SERBP1: variants seen among roughly 807,000 people sequenced by gnomAD.
SERBP1 encodes the protein SERPINE1 mRNA binding protein 1, also known as SERPINE1 mRNA-binding protein 1.
In SERBP1, 6 loss-of-function variants were observed where a neutral mutation model predicts 50.2. That is an observed-to-expected ratio of 0.12 (90% CI 0.07 to 0.24). The LOEUF is 0.24. Among genes scored for constraint, SERBP1 ranks in the 10% least tolerant of loss-of-function variants. The pLI, the probability that SERBP1 is intolerant of heterozygous loss-of-function variation, is 1.00. For synonymous variants in SERBP1, 168 were observed against 182.8 expected (o/e 0.92, Z 0.65); for missense variants, 346 against 524.9 (o/e 0.66, Z 3.33).
Position 67,420,197 on chromosome 1 carries a change from G to A in SERBP1, c.774-11C>T. ...TCAACTTCATTCTCCCTGTGAAAAG[G>A]TTTTCAAGTTTTATACCTGGTAGAG... is the stretch of plus-strand genomic sequence containing the variant. On this transcript the variant is annotated splice_polypyrimidine_tract_variant and intron_variant, in intron 5 of 7. Coordinates refer to ENST00000361219, the MANE Select transcript of SERBP1 (RefSeq NM_001018069.2). 6.3e-7 allele frequency: 1 copy of A among 1,596,766 alleles called. No individual in the cohort carries two copies. The highest frequency in any genetic ancestry group is 2.3e-5 in the East Asian group (1 of 44,414).
intron 1 of SERBP1, 99 bp downstream of exon 1, chr1:67,429,889 T>C: frequency 7.6e-7 from 1 of 1,317,090 alleles, no homozygotes; most frequent in South Asian, 1.4e-5. Flanking sequence ...CGGCAAAGTC[T>C]CCCGCGGACC....
intron 6 of SERBP1, among the ~76,000 whole-genome samples, chr1:67,416,990 G>A (rs928394973): frequency 4.6e-5 from 7 of 152,282 alleles, no homozygotes; most frequent in Admixed American, 3.3e-4. Flanking sequence ...GGCCAGGTGT[G>A]GTGGCTGACA....
chr1:67,418,587 C>T lies in SERBP1; in HGVS notation c.951+1422G>A, dbSNP rs370306619. On this transcript the variant is annotated intron_variant, in intron 6 of 7. Transcript: ENST00000361219. ...CAGCCTGGCCAACATGATGAAACCT[C>T]ATCTCTACTAAAAACACAAACATTA... is the stretch of plus-strand genomic sequence containing the variant. 3.3e-5 allele frequency among the ~76,000 whole-genome samples: 5 copies of T among 152,022 alleles called. No individual in the cohort carries two copies. The East Asian group carries it at 9.8e-4, about 30-fold the overall frequency.
At chr1:67,426,411 G>T in intron 1 of SERBP1, 126 bp from the exon 2 acceptor site, 1 of 880,568 alleles carries the variant, frequency 1.1e-6, no homozygotes, top group Non-Finnish European at 1.6e-6. Context: ...AGCAAACACT[G>T]GGCAACTCTA....
At chr1:67,424,311 T>A (rs753122155) in intron 4 of SERBP1, 34 bp from the exon 5 acceptor site, 2 of 1,607,688 alleles carry the variant, frequency 1.2e-6, no homozygotes, top group Admixed American at 3.4e-5. Flanking sequence ...CTGAATGTAT[T>A]TGGGGGACTC....
chr1:67,420,724 G>T (rs768282374), intron 5 of SERBP1, among the ~76,000 whole-genome samples: 1 of 152,088 alleles, frequency 6.6e-6, no homozygotes. Flanking sequence ...AACAATAGCC[G>T]TGTTTCTACA....
intron 6 of SERBP1, among the ~76,000 whole-genome samples, chr1:67,416,426 T>C (rs1347103060): frequency 1.3e-5 from 2 of 152,354 alleles, no homozygotes; most frequent in Admixed American, 6.5e-5. Flanking sequence ...GACAATTCTA[T>C]ACTGCTTCAT....
At chr1:67,422,315 T>C (rs768093016) in intron 5 of SERBP1, among the ~76,000 whole-genome samples, 3 of 150,980 alleles carry the variant, frequency 2.0e-5, no homozygotes, top group Admixed American at 6.6e-5. Flanking sequence ...GAGTTCGAGA[T>C]CAGCCTGACC....
At chr1:67,429,078 AG>A (rs1667480386) in intron 1 of SERBP1, among the ~76,000 whole-genome samples, 1 of 152,124 alleles carries the variant, frequency 6.6e-6, no homozygotes, top group African/African-American at 2.4e-5. Flanking sequence ...ATTAACCGCC[AG>A]TGAAACTCTG....
intron 1 of SERBP1, chr1:67,429,288 CTTCA>C (rs1288282437): frequency 6.6e-6 from 1 of 152,250 alleles, no homozygotes; most frequent in African/African-American, 2.4e-5. Context: ...AATCACCAGT[CTTCA>C]TTCATAATTC....
chr1:67,417,287 A>G (rs1667042762), intron 6 of SERBP1: 1 of 152,238 alleles, frequency 6.6e-6, no homozygotes, highest in African/African-American at 2.4e-5. Flanking sequence ...CACAAGGATG[A>G]CACGCAAAAC....
intron 6 of SERBP1, among the ~76,000 whole-genome samples, chr1:67,419,376 T>G (rs1240342776): frequency 6.6e-6 from 1 of 152,234 alleles, no homozygotes; most frequent in Non-Finnish European, 1.5e-5. Context: ...AGGTTACATG[T>G]GCATTGATCT....
rs1321086854 is a variant in SERBP1, at chr1:67,424,327, GGAAA to G, written c.696-54_696-51del. The G allele has an allele frequency of 5.7e-6, 9 of 1,583,704 alleles. No homozygotes were observed. The East Asian group carries it at 1.1e-4, about 20-fold the overall frequency. ...TGAATGTATTTGGGGGACTCTCTAAGGAAAGAAAGAAAAAGAAAGGCATCTAGGT... is the reference window on the plus strand; with the variant it reads ...TGAATGTATTTGGGGGACTCTCTAAGGAAAGAAAAAGAAAGGCATCTAGGT... On this transcript the variant is annotated intron_variant, in intron 4 of 7. Transcript: ENST00000361219.
chr1:67,423,706 C>G (rs1000883920), intron 5 of SERBP1, among the ~76,000 whole-genome samples: 1 of 151,866 alleles, frequency 6.6e-6, no homozygotes, highest in Non-Finnish European at 1.5e-5. Flanking sequence ...GTTCCAAATT[C>G]TACATTGGAA....
chr1:67,420,367 G>A, intron 5 of SERBP1, 181 bp from the exon 6 acceptor site: 1 of 530,110 alleles, frequency 1.9e-6, no homozygotes, highest in Non-Finnish European at 3.3e-6. Context: ...CAGGAATTCA[G>A]TGTTTGCTAA....
chr1:67,417,439 C>T (rs191214067), intron 6 of SERBP1: 1 of 152,056 alleles, frequency 6.6e-6, no homozygotes, highest in East Asian at 1.9e-4. Context: ...ATCTCTGGGT[C>T]CTGGAACGAA....
chr1:67,422,652 T>TC (rs1478555901), intron 5 of SERBP1, among the ~76,000 whole-genome samples: 1 of 148,692 alleles, frequency 6.7e-6, no homozygotes, highest in Non-Finnish European at 1.5e-5. Flanking sequence ...CTGTAACAAA[T>TC]AACTGGCAAA....
intron 1 of SERBP1, among the ~76,000 whole-genome samples, chr1:67,427,172 G>A (rs1053166745): frequency 6.6e-6 from 1 of 152,126 alleles, no homozygotes; most frequent in Non-Finnish European, 1.5e-5. Flanking sequence ...CACACGTTAA[G>A]ACCGCTTTTA....
In SERBP1 at chr1:67,409,342, T is replaced by TA; in HGVS notation, c.*3864dup. The TA allele has an allele frequency of 6.7e-6, 1 of 148,844 alleles. No individual in the cohort carries two copies. Among genetic ancestry groups the TA allele is most frequent in the African/African-American group, 2.5e-5 (1 of 40,584 alleles). The allele number at this position is 148,844 out of a possible 1,614,324, so 9.2% of individuals were successfully genotyped here. Reference sequence around the variant, plus strand: ...TTTTTCTGTGGGTTTTTTTTTTTTTTAATCCTATACAAGCCTAAAAACCAT... The same window carrying TA: ...TTTTTCTGTGGGTTTTTTTTTTTTTTAAATCCTATACAAGCCTAAAAACCAT... On this transcript the variant is annotated 3_prime_UTR_variant, in exon 8 of 8. Coordinates refer to ENST00000361219, the MANE Select transcript of SERBP1 (RefSeq NM_001018069.2).
Sources: allele counts gnomAD v4.1 joint callset (sites outside exome capture counted in the v4.1 genomes callset), GRCh38; gene constraint gnomAD v4.1.1; transcripts MANE v1.5; gene names NCBI Gene and HGNC (gene_info 2026-07-23, HGNC 2026-07-21).